FGF12: variants seen among roughly 807,000 people sequenced by gnomAD.
The protein encoded by FGF12 is fibroblast growth factor 12.
Under a neutral mutation model 23.6 loss-of-function variants are expected in FGF12, and 14 were observed. The ratio of observed to expected loss-of-function variants is 0.59; its 90% CI spans 0.39 to 0.93. FGF12 has a LOEUF of 0.93. FGF12 is among the 40% of genes least tolerant of loss of function. The pLI is 0.00. For synonymous variants in FGF12, 62 were observed against 77.3 expected (o/e 0.80, Z 1.04); for missense variants, 175 against 217.8 (o/e 0.80, Z 1.24).
At chr3:192,670,723 A>C (rs1295162170) in intron 2 of FGF12, among the ~76,000 whole-genome samples, 1 of 152,190 alleles carries the variant, frequency 6.6e-6, no homozygotes, top group African/African-American at 2.4e-5. Context: ...AGAGTCCCTT[A>C]CCTTCAAAGA....
rs192431779 is a variant in FGF12, at chr3:192,451,871, T to C, written c.14-91333A>G. On this transcript the variant is annotated intron_variant, in intron 2 of 5. Coordinates refer to ENST00000445105, the MANE Select transcript of FGF12 (RefSeq NM_004113.6). ...CTGGTGCTAGGCTAAACATTGCTGC[T>C]ATAAACATTCTTACATGTGTCTCCT... 4.4e-4 allele frequency among the ~76,000 whole-genome samples: 67 copies of C among 152,378 alleles called. 1 individual carries two copies. The highest frequency in any genetic ancestry group is 1.5e-3 in the African/African-American group (64 of 41,596).
At position 192,587,233 on chromosome 3, in the gene FGF12, A is replaced by T. The variant is rs113169891; in HGVS notation, c.13+139948T>A. ...AATCCTCAATGTAGAACTTGGTAAG[A>T]GTGGTACTCAAAACGGTTACCAGTT... is the stretch of plus-strand genomic sequence containing the variant. On this transcript the variant is annotated intron_variant, in intron 2 of 5. Transcript: ENST00000445105. 7.6e-4 allele frequency among the ~76,000 whole-genome samples: 116 copies of T among 151,972 alleles called. 2 individuals are homozygous for T. The highest frequency in any genetic ancestry group is 2.6e-3 in the African/African-American group (108 of 41,514).
chr3:192,296,387 C>G (rs1234406216), intron 4 of FGF12, among the ~76,000 whole-genome samples: 1 of 151,694 alleles, frequency 6.6e-6, no homozygotes, highest in Non-Finnish European at 1.5e-5. Flanking sequence ...TCATGCCCAG[C>G]TTATTTCCAT....
intron 4 of FGF12, among the ~76,000 whole-genome samples, chr3:192,283,962 G>C (rs1364371683): frequency 6.6e-6 from 1 of 152,038 alleles, no homozygotes; most frequent in South Asian, 2.1e-4. Flanking sequence ...AAAGCTGAAT[G>C]CATAAGAACA....
At chr3:192,322,018 G>T (rs187347047) in intron 4 of FGF12, among the ~76,000 whole-genome samples, 1 of 151,912 alleles carries the variant, frequency 6.6e-6, no homozygotes, top group Non-Finnish European at 1.5e-5. Context: ...TGGAATGGAA[G>T]AAGTAAAATT....
chr3:192,387,976 TA>T (rs1417264687), intron 2 of FGF12, among the ~76,000 whole-genome samples: 1 of 152,092 alleles, frequency 6.6e-6, no homozygotes, highest in Admixed American at 6.5e-5. Context: ...TGAACATACA[TA>T]AGGCCGGAGG....
chr3:192,569,580 C>T (rs1235436869), intron 2 of FGF12, among the ~76,000 whole-genome samples: 1 of 152,120 alleles, frequency 6.6e-6, no homozygotes, highest in Non-Finnish European at 1.5e-5. Flanking sequence ...AGATAATGTC[C>T]AAAATTAGAG....
intron 4 of FGF12, among the ~76,000 whole-genome samples, chr3:192,227,580 T>TAAAAAAAA (rs778525112): frequency 3.7e-4 from 22 of 59,908 alleles, no homozygotes; most frequent in African/African-American, 5.5e-4. Context: ...GAACTTAAAG[T>TAAAAAAAA]AAAAAAAAAA....
chr3:192,408,206 G>A lies in FGF12; in HGVS notation c.14-47668C>T. On this transcript the variant is annotated intron_variant, in intron 2 of 5. Coordinates refer to ENST00000445105, the MANE Select transcript of FGF12 (RefSeq NM_004113.6). The surrounding 1 kb of genome is among the most constrained non-coding windows in gnomAD (Gnocchi z 7.3). ...GCCGCTTCTGCCGGATCAAGGAGCT[G>A]GCTATCGCCGCAGCCATAGCTGCTC... 6.2e-7 allele frequency: 1 copy of A among 1,604,146 alleles called. No homozygotes were observed. Among genetic ancestry groups the A allele is most frequent in the Non-Finnish European group, 8.5e-7 (1 of 1,178,774 alleles).
intron 4 of FGF12, among the ~76,000 whole-genome samples, chr3:192,244,320 G>A (rs970847768): frequency 9.9e-5 from 15 of 151,988 alleles, no homozygotes; most frequent in Non-Finnish European, 1.8e-4. Flanking sequence ...ATGAAATCAC[G>A]TATGTCACAG....
chr3:192,291,251 C>T (rs111279790), intron 4 of FGF12, among the ~76,000 whole-genome samples: 3 of 152,002 alleles, frequency 2.0e-5, no homozygotes, highest in African/African-American at 7.2e-5. Context: ...ATGGACATAA[C>T]AGTTTGAGAA....
At chr3:192,483,105 C>T (rs929385333) in intron 2 of FGF12, among the ~76,000 whole-genome samples, 6 of 152,148 alleles carry the variant, frequency 3.9e-5, no homozygotes, top group African/African-American at 1.2e-4. Context: ...TCCAGCATTC[C>T]TAGACACCTC....
chr3:192,670,938 G>A (rs546626508), intron 2 of FGF12, among the ~76,000 whole-genome samples: 2 of 152,296 alleles, frequency 1.3e-5, no homozygotes, highest in East Asian at 1.9e-4. Context: ...ATGGGAGAGC[G>A]ATCTGGGCTG....
chr3:192,725,983 G>C (rs568605217), intron 2 of FGF12, among the ~76,000 whole-genome samples: 2 of 152,276 alleles, frequency 1.3e-5, no homozygotes, highest in African/African-American at 2.4e-5. Context: ...AAAATTGCCT[G>C]CTAGTCTTAA....
chr3:192,695,054 G>A (rs867612014), intron 2 of FGF12, among the ~76,000 whole-genome samples: 2 of 152,036 alleles, frequency 1.3e-5, no homozygotes, highest in African/African-American at 4.8e-5. Context: ...TATGTGAGAC[G>A]ACAGATGTGT....
chr3:192,675,555 C>T (rs1717299649), intron 2 of FGF12, among the ~76,000 whole-genome samples: 1 of 152,086 alleles, frequency 6.6e-6, no homozygotes, highest in Admixed American at 6.6e-5. Context: ...TCATTATCCA[C>T]CATTTCATCT....
chr3:192,167,438 G>A (rs77506855), intron 5 of FGF12, among the ~76,000 whole-genome samples: 10,477 of 151,934 alleles, frequency 0.069, 441 homozygotes, highest in African/African-American at 0.11. Context: ...TAAATAAGCC[G>A]TAGCAAAACA....
At chr3:192,148,467 T>G (rs1453148249) in intron 5 of FGF12, among the ~76,000 whole-genome samples, 3 of 152,208 alleles carry the variant, frequency 2.0e-5, no homozygotes, top group Non-Finnish European at 4.4e-5. Context: ...GGGGATTTCT[T>G]ATTTAATGAG....
intron 2 of FGF12, among the ~76,000 whole-genome samples, chr3:192,540,761 G>A (rs950574774): frequency 2.0e-5 from 3 of 152,042 alleles, no homozygotes; most frequent in Non-Finnish European, 4.4e-5. Context: ...TGATTATGTT[G>A]GAGTCTATCT....
Sources: allele counts gnomAD v4.1 joint callset (sites outside exome capture counted in the v4.1 genomes callset), GRCh38; gene constraint gnomAD v4.1.1; non-coding constraint Gnocchi (gnomAD v3.1); transcripts MANE v1.5; gene names NCBI Gene and HGNC (gene_info 2026-07-23, HGNC 2026-07-21).